The following ANKRD6 variants were observed in gnomAD, a reference collection of about 807,000 sequenced individuals.
The protein encoded by ANKRD6 is ankyrin repeat domain-containing protein 6.
Under a neutral mutation model 82.3 loss-of-function variants are expected in ANKRD6, and 56 were observed. The observed-to-expected ratio is 0.68, with a 90% CI of 0.55 to 0.85. ANKRD6 has a LOEUF of 0.85. Among genes scored for constraint, ANKRD6 ranks in the 40% least tolerant of loss-of-function variants. The probability of loss-of-function intolerance (pLI) is 0.00; values close to 1 mark genes in which losing one functional copy is unlikely to be tolerated. For missense variants in ANKRD6, 852 were observed against 907.6 expected (o/e 0.94, Z 0.79); for synonymous variants, 347 against 352.1 (o/e 0.99, Z 0.16).
intron 9 of ANKRD6, among the ~76,000 whole-genome samples, chr6:89,620,397 A>G (rs1049614684): frequency 6.6e-6 from 1 of 152,124 alleles, no homozygotes; most frequent in Admixed American, 6.5e-5. Flanking sequence ...AACGCTCTGA[A>G]AGTACATTTT....
chr6:89,447,717 T>C (rs1772268075), intron 1 of ANKRD6, among the ~76,000 whole-genome samples: 1 of 152,172 alleles, frequency 6.6e-6, no homozygotes, highest in African/African-American at 2.4e-5. Flanking sequence ...AGGTGGAGTT[T>C]TACTCTTGTT....
intron 1 of ANKRD6, among the ~76,000 whole-genome samples, chr6:89,550,640 T>A (rs1785704732): frequency 3.9e-5 from 6 of 152,240 alleles, no homozygotes; most frequent in Admixed American, 3.9e-4. Flanking sequence ...AGTGTACACT[T>A]TTCTATATAT....
At chr6:89,455,044 A>G (rs1773333541) in intron 1 of ANKRD6, among the ~76,000 whole-genome samples, 1 of 151,296 alleles carries the variant, frequency 6.6e-6, no homozygotes, top group Non-Finnish European at 1.5e-5. Flanking sequence ...GGGTTTTGTC[A>G]TGTTGGCCAG....
intron 1 of ANKRD6, among the ~76,000 whole-genome samples, chr6:89,444,955 C>T (rs1410400732): frequency 6.6e-6 from 1 of 151,402 alleles, no homozygotes; most frequent in Non-Finnish European, 1.5e-5. Context: ...GTGACAAGAG[C>T]GAAACTCCAT....
intron 2 of ANKRD6, among the ~76,000 whole-genome samples, chr6:89,575,067 G>A (rs1354091566): frequency 2.0e-5 from 3 of 152,168 alleles, no homozygotes; most frequent in African/African-American, 7.2e-5. Flanking sequence ...ACCCAGCAAA[G>A]CCTGTCTGTC....
intron 2 of ANKRD6, among the ~76,000 whole-genome samples, chr6:89,586,205 A>G (rs1256176415): frequency 2.6e-5 from 4 of 152,234 alleles, no homozygotes; most frequent in African/African-American, 9.6e-5. Flanking sequence ...GGATTGTTCC[A>G]TAATTTGTTA....
chr6:89,446,734 T>TC (rs1772131543), intron 1 of ANKRD6, among the ~76,000 whole-genome samples: 1 of 152,166 alleles, frequency 6.6e-6, no homozygotes. Flanking sequence ...CCAAATCTCA[T>TC]CTTGAACTGT....
At chr6:89,627,769 C>T in intron 14 of ANKRD6, 73 bp downstream of exon 14, 1 of 1,370,852 alleles carries the variant, frequency 7.3e-7, no homozygotes, top group Non-Finnish European at 1.0e-6. Context: ...GCAGGCCTGC[C>T]ACTGAAAACT....
At chr6:89,547,078 G>A (rs777548965) in intron 1 of ANKRD6, among the ~76,000 whole-genome samples, 2 of 151,820 alleles carry the variant, frequency 1.3e-5, no homozygotes. Context: ...CTCCCACCTC[G>A]GCCTCCCAAA....
chr6:89,616,275 C>G, intron 7 of ANKRD6: 1 of 406,706 alleles, frequency 2.5e-6, no homozygotes, highest in East Asian at 5.0e-5. Context: ...CAGGTCCCAC[C>G]ATTCTCAACA....
chr6:89,629,002 A>C, intron 14 of ANKRD6, 110 bp from the exon 15 acceptor site: 1 of 1,251,150 alleles, frequency 8.0e-7, no homozygotes, highest in Admixed American at 2.5e-5. Context: ...TGGTATCCTC[A>C]ACTGTTATAA....
chr6:89,477,851 T>C (rs995366654), intron 1 of ANKRD6, among the ~76,000 whole-genome samples: 1 of 146,854 alleles, frequency 6.8e-6, no homozygotes, highest in Non-Finnish European at 1.5e-5. Flanking sequence ...AAAGAAAAAA[T>C]AGAAGTCTTA....
intron 1 of ANKRD6, among the ~76,000 whole-genome samples, chr6:89,510,950 T>C (rs7765487): frequency 0.34 from 51,667 of 151,940 alleles, 9,083 homozygotes; most frequent in African/African-American, 0.38. Context: ...TGCTTAGCAT[T>C]GCCCTGGACA....
At chr6:89,471,147 T>G (rs186399667) in intron 1 of ANKRD6, among the ~76,000 whole-genome samples, 3 of 152,034 alleles carry the variant, frequency 2.0e-5, no homozygotes. Flanking sequence ...GATCAGGAGT[T>G]CGAGACCACC....
chr6:89,479,800 G>A (rs371807701), intron 1 of ANKRD6, among the ~76,000 whole-genome samples: 1 of 151,662 alleles, frequency 6.6e-6, no homozygotes, highest in Non-Finnish European at 1.5e-5. Flanking sequence ...TTTAGTGATT[G>A]AATCATAGAA....
chr6:89,592,036 G>T (rs1460912715), intron 2 of ANKRD6, among the ~76,000 whole-genome samples: 1 of 152,218 alleles, frequency 6.6e-6, no homozygotes, highest in Non-Finnish European at 1.5e-5. Flanking sequence ...GGAGAATGGT[G>T]TTCTTGGTGA....
chr6:89,562,574 G>A (rs151233341), intron 1 of ANKRD6: 7 of 152,288 alleles, frequency 4.6e-5, no homozygotes, highest in Middle Eastern at 3.4e-3. Flanking sequence ...CTTCAATCGG[G>A]GCAGTGTTAC....
chr6:89,563,750 G>T (rs935006888), intron 1 of ANKRD6, among the ~76,000 whole-genome samples: 1 of 151,992 alleles, frequency 6.6e-6, no homozygotes, highest in African/African-American at 2.4e-5. Flanking sequence ...TCTCTATCTG[G>T]TCCAATTTGT....
intron 2 of ANKRD6, among the ~76,000 whole-genome samples, chr6:89,588,994 CAAAAAA>C (rs34892881): frequency 0.022 from 1,069 of 48,306 alleles, 13 homozygotes; most frequent in Admixed American, 0.032. Context: ...GACTCTGTCT[CAAAAAA>C]AAAAAAAAAA....
Sources: gnomAD v4.1 joint callset for allele counts (sites outside exome capture counted in the v4.1 genomes callset) on GRCh38, gnomAD v4.1.1 for gene constraint, MANE v1.5 for transcripts, NCBI Gene and HGNC (gene_info 2026-07-23, HGNC 2026-07-21) for gene names.